The following BTF3 variants were observed in gnomAD, a reference collection of about 807,000 sequenced individuals.
BTF3 encodes the protein transcription factor BTF3.
Under a neutral mutation model 23.9 loss-of-function variants are expected in BTF3, and 12 were observed. The observed-to-expected ratio is 0.50, with a 90% CI of 0.32 to 0.81. The LOEUF is 0.81. Among genes scored for constraint, BTF3 ranks in the 40% least tolerant of loss-of-function variants. The pLI, the probability that BTF3 is intolerant of heterozygous loss-of-function variation, is 0.03. For missense variants in BTF3, 215 were observed against 255.9 expected (o/e 0.84, Z 1.09); for synonymous variants, 96 against 94.8 (o/e 1.01, Z -0.07).
Position 73,498,595 on chromosome 5 carries a change from A to C in BTF3, c.-73A>C. The C allele has an allele frequency of 7.1e-7, 1 of 1,414,622 alleles. No homozygotes were observed. Among genetic ancestry groups the C allele is most frequent in the Non-Finnish European group, 9.2e-7 (1 of 1,092,486 alleles). 87.6% of individuals were successfully genotyped at this position (1,414,622 alleles called of 1,614,324 possible). Reference sequence around the variant, plus strand: ...CTCTGGACGGCGGCGTGGTAGGAGGACGGGAGCGGGGGCGGGAAGTTCCCT... The same window carrying C: ...CTCTGGACGGCGGCGTGGTAGGAGGCCGGGAGCGGGGGCGGGAAGTTCCCT... On this transcript the variant is annotated 5_prime_UTR_variant, in exon 1 of 6. Transcript: ENST00000380591.
rs779696335 is a variant in BTF3, at chr5:73,498,443, C to T, written c.-225C>T. 1.0e-4 allele frequency: 52 copies of T among 519,466 alleles called. No individual in the cohort carries two copies. Among genetic ancestry groups the T allele is most frequent in the Admixed American group, 1.3e-4 (3 of 23,388 alleles). 32.2% of individuals were successfully genotyped at this position (519,466 alleles called of 1,614,324 possible). On this transcript the variant is annotated 5_prime_UTR_variant, in exon 1 of 6. Coordinates refer to ENST00000380591, the MANE Select transcript of BTF3 (RefSeq NM_001037637.2). ...GTGGCCTTGTGTCACTTCCGGCCTC[C>T]CTTTAGCTGCCATCTTGCGTCCCCG...
At chr5:73,499,623 G>A in intron 2 of BTF3, 1 of 291,158 alleles carries the variant, frequency 3.4e-6, no homozygotes, top group South Asian at 3.3e-5. Context: ...ATTCTTTAGG[G>A]TAGTTGCATA....
At chr5:73,499,450 C>T in intron 2 of BTF3, 1 of 567,322 alleles carries the variant, frequency 1.8e-6, no homozygotes, top group Non-Finnish European at 3.1e-6. Context: ...AAGTAGAACA[C>T]AAAAGTGTTT....
intron 2 of BTF3, among the ~76,000 whole-genome samples, chr5:73,500,436 C>T (rs1746408999): frequency 6.6e-6 from 1 of 152,136 alleles, no homozygotes; most frequent in South Asian, 2.1e-4. Context: ...TAGGCTTTAA[C>T]TTTGGGAGAC....
intron 5 of BTF3, 62 bp downstream of exon 5, chr5:73,504,465 G>T (rs1746511486): frequency 1.4e-6 from 2 of 1,458,786 alleles, no homozygotes; most frequent in African/African-American, 1.4e-5. Flanking sequence ...AGAAATCTTT[G>T]TAGGAAAAAC....
Position 73,502,594 on chromosome 5 carries a change from T to G in BTF3, c.308T>G (p.Ile103Ser), listed in dbSNP as rs1486582188. The change falls in exon 3 of 6, where the codon ATT (isoleucine) becomes AGT (serine). Residue 103 changes from isoleucine to serine, a missense_variant. Transcript: ENST00000380591. ...KKLGVNNISG[I>S]EEVNMFTNQG... Reference sequence around the variant, plus strand: ...TTAGGGGTAAACAATATCTCTGGTATTGAAGAGGCAAGTATCAAATTTTGT... The same window carrying G: ...TTAGGGGTAAACAATATCTCTGGTAGTGAAGAGGCAAGTATCAAATTTTGT... 1 of 1,590,432 alleles carries G rather than the reference T, an allele frequency of 6.3e-7. No homozygotes were observed. The highest frequency in any genetic ancestry group is 8.5e-7 in the Non-Finnish European group (1 of 1,172,874).
chr5:73,504,510 CA>C, intron 5 of BTF3, 107 bp downstream of exon 5: 3 of 764,648 alleles, frequency 3.9e-6, no homozygotes, highest in Non-Finnish European at 6.4e-6. Context: ...TTAAGATGGA[CA>C]TAGATCTTAC....
intron 2 of BTF3, among the ~76,000 whole-genome samples, chr5:73,501,586 C>G (rs1377459855): frequency 6.6e-6 from 1 of 151,216 alleles, no homozygotes; most frequent in African/African-American, 2.4e-5. Flanking sequence ...TGTAGATGTT[C>G]CGGAAGGAGA....
Position 73,498,516 on chromosome 5 carries a change from C to A in BTF3, c.-152C>A. 8.2e-7 allele frequency: 1 copy of A among 1,212,870 alleles called. No homozygotes were observed. Among genetic ancestry groups the A allele is most frequent in the Non-Finnish European group, 1.1e-6 (1 of 928,700 alleles). 75.1% of individuals were successfully genotyped at this position (1,212,870 alleles called of 1,614,324 possible). A position where few individuals can be genotyped will look rare whatever the true frequency, so the allele number is the denominator to read the frequency against. On this transcript the variant is annotated 5_prime_UTR_variant, in exon 1 of 6. Coordinates refer to ENST00000380591, the MANE Select transcript of BTF3 (RefSeq NM_001037637.2). ...TGGTCCACCCGAGACCCCTTGAGCA[C>A]CAACCCTAGTCCCCCGCGCGGCCCC...
At position 73,498,700 on chromosome 5, in the gene BTF3, C is replaced by G. The variant is rs375502008; in HGVS notation, c.33C>G (p.Asp11Glu). The G allele has an allele frequency of 2.0e-4, 293 of 1,496,982 alleles. 2 individuals carry two copies. In the African/African-American group the frequency reaches 3.7e-3, roughly 19 times the overall value. The allele number at this position is 1,496,982 out of a possible 1,614,324, so 92.7% of individuals were successfully genotyped here. The change falls in exon 1 of 6, where the codon GAC becomes GAG. Residue 11 changes from aspartate to glutamate, a missense_variant. Around this residue, in one of 2 missense-constraint regions of BTF3, gnomAD observed 116 missense variants for 84.7 expected, o/e 1.37. Coordinates refer to ENST00000380591, the MANE Select transcript of BTF3 (RefSeq NM_001037637.2). MRRTGAPAQA[D>E]SRGRGRARGG... is the part of the protein sequence containing the mutation. ...GGACAGGCGCACCCGCTCAGGCTGACTCTCGGGGGCGAGGTCGAGCCAGGG... is the reference window on the plus strand; with the variant it reads ...GGACAGGCGCACCCGCTCAGGCTGAGTCTCGGGGGCGAGGTCGAGCCAGGG...
At chr5:73,504,445 A>G (rs1356386379) in intron 5 of BTF3, 42 bp downstream of exon 5, 9 of 1,528,978 alleles carry the variant, frequency 5.9e-6, no homozygotes, top group Non-Finnish European at 7.1e-6. Context: ...AATCTTAGCA[A>G]GGGAGAATAA....
At chr5:73,498,843 G>T in intron 1 of BTF3, 44 bp downstream of exon 1, 2 of 1,499,566 alleles carry the variant, frequency 1.3e-6, no homozygotes, top group South Asian at 2.5e-5. Context: ...GGCAGGCCCT[G>T]GCTAGGCCGA....
At position 73,498,588 on chromosome 5, in the gene BTF3, TAGG is replaced by T. The variant is rs1445954163; in HGVS notation, c.-75_-73del. ...AAAAAGGCTCTGGACGGCGGCGTGG[TAGG>T]AGGACGGGAGCGGGGGCGGGAAGTT... is the stretch of plus-strand genomic sequence containing the variant. On this transcript the variant is annotated 5_prime_UTR_variant, in exon 1 of 6. Transcript: ENST00000380591. 1 of 1,407,868 alleles carries T rather than the reference TAGG, an allele frequency of 7.1e-7. No homozygotes were observed. The highest frequency in any genetic ancestry group is 2.9e-5 in the East Asian group (1 of 34,592). 87.2% of individuals were successfully genotyped at this position (1,407,868 alleles called of 1,614,324 possible).
chr5:73,503,002 T>C lies in BTF3; in HGVS notation c.402T>C (p.Ile134=), dbSNP rs770379410. Residue 134 remains isoleucine, a synonymous_variant, in exon 4 of 6, where the codon ATT becomes ATC. Transcript: ENST00000380591. ...CTCTGGCAGCGAACACTTTCACCAT[T>C]ACAGGCCATGCTGAGACAAAGCAGC... ...QASLAANTFT[I]TGHAETKQLT... is the part of the protein sequence containing the mutation. 2.0e-5 allele frequency: 32 copies of C among 1,613,858 alleles called. No homozygotes were observed. Among genetic ancestry groups the C allele is most frequent in the Non-Finnish European group, 2.7e-5 (32 of 1,179,880 alleles).
rs1409951460 is a variant in BTF3, at chr5:73,503,019, C to T, written c.419C>T (p.Thr140Ile). 2 of 1,613,822 alleles carry T rather than the reference C, an allele frequency of 1.2e-6. No homozygotes were observed. The highest frequency in any genetic ancestry group is 2.2e-5 in the East Asian group (1 of 44,896). ...TTCACCATTACAGGCCATGCTGAGA[C>T]AAAGCAGCTGACAGAAATGCTACCC... ...NTFTITGHAETKQLTEMLPSI... is the reference protein window; with the variant it reads ...NTFTITGHAEIKQLTEMLPSI... The change falls in exon 4 of 6, where the codon ACA (threonine) becomes ATA (isoleucine). Residue 140 changes from threonine to isoleucine, a missense_variant. Physicochemically the swap from Thr to Ile is moderately conservative, Grantham distance 89. Transcript: ENST00000380591.
chr5:73,502,745 A>G, intron 3 of BTF3, 144 bp downstream of exon 3: 2 of 828,320 alleles, frequency 2.4e-6, no homozygotes, highest in South Asian at 3.7e-5. Context: ...ATTAATAAAT[A>G]TCAGGGAGCT....
At chr5:73,502,327 A>G (rs1010084265) in intron 2 of BTF3, among the ~76,000 whole-genome samples, 161 bp from the exon 3 acceptor site, 3 of 152,094 alleles carry the variant, frequency 2.0e-5, no homozygotes, top group Non-Finnish European at 4.4e-5. Context: ...TTTTGCTTCT[A>G]TCTTCGCCTT....
Position 73,498,584 on chromosome 5 carries a change from G to A in BTF3, c.-84G>A. 1.4e-6 allele frequency: 2 copies of A among 1,408,054 alleles called. No homozygotes were observed. The highest frequency in any genetic ancestry group is 1.8e-6 in the Non-Finnish European group (2 of 1,089,070). 87.2% of individuals were successfully genotyped at this position (1,408,054 alleles called of 1,614,324 possible). The stretch of plus-strand genomic sequence containing the variant: ...GTACAAAAAGGCTCTGGACGGCGGC[G>A]TGGTAGGAGGACGGGAGCGGGGGCG... On this transcript the variant is annotated 5_prime_UTR_variant, in exon 1 of 6. In the 5' UTR this introduces an upstream ATG that the reference lacks. Transcript: ENST00000380591.
At chr5:73,502,400 C>G in intron 2 of BTF3, 88 bp from the exon 3 acceptor site, 1 of 934,750 alleles carries the variant, frequency 1.1e-6, no homozygotes. Context: ...ATCCAAAGGT[C>G]AGAAATGAAT....
Sources: allele counts gnomAD v4.1 joint callset (sites outside exome capture counted in the v4.1 genomes callset), GRCh38; gene constraint gnomAD v4.1.1; regional missense constraint gnomAD v4.1.1; transcripts MANE v1.5; gene names NCBI Gene and HGNC (gene_info 2026-07-23, HGNC 2026-07-21).